Variants in FAT2 observed in about 807,000 individuals in gnomAD.
The protein encoded by FAT2 is FAT atypical cadherin 2, also known as protocadherin Fat 2.
In FAT2, 150 loss-of-function variants were observed where a neutral mutation model predicts 295.3. The observed-to-expected ratio is 0.51, with a 90% confidence interval of 0.44 to 0.58. FAT2 has a LOEUF of 0.58. Ranked by LOEUF, FAT2 falls within the 20% of genes least tolerant of loss-of-function variation. The probability of loss-of-function intolerance (pLI) is 0.00; values close to 1 mark genes in which losing one functional copy is unlikely to be tolerated. For missense variants in FAT2, 4,868 were observed against 5,442.7 expected, an observed-to-expected ratio of 0.89 and a Z score of 3.32; for synonymous variants, 2,026 against 2,150.3, an observed-to-expected ratio of 0.94 and a Z score of 1.60.
chr5:151,531,896 C>G lies in FAT2; in HGVS notation c.9502G>C (p.Val3168Leu), dbSNP rs754083295. Residue 3168 changes from valine to leucine, a missense_variant, in exon 14 of 24, where the codon GTG becomes CTG. This residue lies in a region of FAT2 where 1,046 missense variants were observed against 1,210.1 expected (regional missense o/e 0.86). Transcript: ENST00000261800. The surrounding 1 kb of genome is among the most constrained non-coding windows in gnomAD (Gnocchi z 5.7). ...TGCAGCGGCTTTTCCAGGCGGATCACCCCCGTGGTGGCGTCGATGGAAAAG... is the reference window on the plus strand; with the variant it reads ...TGCAGCGGCTTTTCCAGGCGGATCAGCCCCGTGGTGGCGTCGATGGAAAAG... ...GHFSIDATTG[V>L]IRLEKPLQVR... 1.9e-6 allele frequency: 3 copies of G among 1,614,140 alleles called. No homozygotes were observed. Among genetic ancestry groups the G allele is most frequent in the South Asian group, 2.2e-5 (2 of 91,088 alleles).
At chr5:151,578,272 G>C (rs754773304) in intron 1 of FAT2, among the ~76,000 whole-genome samples, 1 of 152,198 alleles carries the variant, frequency 6.6e-6, no homozygotes, top group Non-Finnish European at 1.5e-5. Context: ...TTACTATCCT[G>C]TGGTTCTTGC....
Position 151,512,180 on chromosome 5 carries a change from A to G in FAT2, c.11890T>C (p.Trp3964Arg), listed in dbSNP as rs761691135. The G allele has an allele frequency of 6.2e-7, 1 of 1,613,488 alleles. No homozygotes were observed. The highest frequency in any genetic ancestry group is 1.1e-5 in the South Asian group (1 of 91,068). The change falls in exon 21 of 24, where the codon TGG (tryptophan) becomes CGG (arginine). Residue 3964 changes from tryptophan to arginine, a missense_variant. Physicochemically the swap from Trp to Arg is moderately radical, Grantham distance 101. Around this residue, in one of 5 missense-constraint regions of FAT2, gnomAD observed 24 missense variants for 53.3 expected, o/e 0.45. Transcript: ENST00000261800. The surrounding 1 kb of genome is among the most constrained non-coding windows in gnomAD (Gnocchi z 4.1). Reference protein sequence around the residue: ...NTCLNGGKCSWTHGAGYVCKC... With the variant: ...NTCLNGGKCSRTHGAGYVCKC... ...CAGCCCTCACCTGCCCCATGGGTCCATGAGCACTTCCCACCATTGAGGCAT... is the reference window on the plus strand; with the variant it reads ...CAGCCCTCACCTGCCCCATGGGTCCGTGAGCACTTCCCACCATTGAGGCAT...
At chr5:151,589,477 G>A (rs1019280386) in intron 1 of FAT2, among the ~76,000 whole-genome samples, 4 of 152,184 alleles carry the variant, frequency 2.6e-5, no homozygotes, top group Non-Finnish European at 4.4e-5. Flanking sequence ...GTACTCTATC[G>A]AGAGCCCTGG....
Position 151,554,531 on chromosome 5 carries a change from G to T in FAT2, c.3776C>A (p.Ser1259Tyr), listed in dbSNP as rs773489346. The change falls in exon 5 of 24, where the codon TCC (serine) becomes TAC (tyrosine). Residue 1259 changes from serine to tyrosine, a missense_variant. By Grantham distance (144) the Ser-to-Tyr change is moderately radical. Transcript: ENST00000261800. ...CACCAGCCTGTACACAGGCCCAGGG[G>T]ACACAGGGCTCAGCCTCTCTGGAAG... ...VRLPERLSPVSPGPVYRLVAS... is the reference protein window; with the variant it reads ...VRLPERLSPVYPGPVYRLVAS... 6.2e-7 allele frequency: 1 copy of T among 1,614,206 alleles called. No homozygotes were observed. The highest frequency in any genetic ancestry group is 1.7e-5 in the Admixed American group (1 of 60,018).
rs527639559 is a variant in FAT2, at chr5:151,558,036, C to A, written c.3575-1634G>T. 2.6e-5 allele frequency among the ~76,000 whole-genome samples: 4 copies of A among 152,332 alleles called. No individual in the cohort carries two copies. In the South Asian group the frequency reaches 8.3e-4, roughly 32 times the overall value. The stretch of plus-strand genomic sequence containing the variant: ...AACCTTATTTCAACCCCAGCCTCCT[C>A]TGCAAAAGGAGTTGAATTCGGTGAC... On this transcript the variant is annotated intron_variant, in intron 3 of 23. Transcript: ENST00000261800.
chr5:151,509,958 G>A (rs1581269444), intron 22 of FAT2, 63 bp downstream of exon 22: 3 of 1,574,682 alleles, frequency 1.9e-6, no homozygotes, highest in East Asian at 2.2e-5. Context: ...CTTTCTAGAG[G>A]TCAGAGTACA....
At position 151,521,303 on chromosome 5, in the gene FAT2, G is replaced by A. The variant is rs1205073923; in HGVS notation, c.11290C>T (p.His3764Tyr). The A allele has an allele frequency of 1.9e-6, 3 of 1,611,330 alleles. No individual in the cohort carries two copies. The East Asian group carries it at 6.7e-5, about 36-fold the overall frequency. ...TTGCAGGAGCAGCTCCTCTGCAGGTGGTGCCGCGGGGTTAGGATGCTGAGC... is the reference window on the plus strand; with the variant it reads ...TTGCAGGAGCAGCTCCTCTGCAGGTAGTGCCGCGGGGTTAGGATGCTGAGC... Reference protein sequence around the residue: ...ARLSILTPRHHLQRSCSCNGT... With the variant: ...ARLSILTPRHYLQRSCSCNGT... Residue 3764 changes from histidine (H) to tyrosine (Y), a missense_variant, in exon 19 of 24, where the codon CAC (histidine) becomes TAC (tyrosine). Coordinates refer to ENST00000261800, the MANE Select transcript of FAT2 (RefSeq NM_001447.3).
upstream of FAT2, among the ~76,000 whole-genome samples, chr5:151,593,176 T>G (rs1759480424): frequency 6.6e-6 from 1 of 152,236 alleles, no homozygotes; most frequent in Admixed American, 6.5e-5. Flanking sequence ...TGAGCAATTA[T>G]CCACTTGGCT....
chr5:151,571,740 G>C (rs1216814896), intron 1 of FAT2, among the ~76,000 whole-genome samples: 1 of 152,202 alleles, frequency 6.6e-6, no homozygotes, highest in Non-Finnish European at 1.5e-5. Flanking sequence ...AGCATGTTAG[G>C]CTCCTTGTAC....
chr5:151,563,380 G>A lies in FAT2; in HGVS notation c.3519C>T (p.Thr1173=), dbSNP rs2127641582. ...TGTAGTTCCCACTGGTGATGTTGAA[G>A]GTCAGCTTCCCTTTGGAGCTGGAGT... ...DPDSSSKGKL[T]FNITSGNYMG... The change falls in exon 3 of 24, where the codon ACC becomes ACT. Residue 1173 remains threonine (T), a synonymous_variant. Transcript: ENST00000261800. 1 of 1,614,218 alleles carries A rather than the reference G, an allele frequency of 6.2e-7. No individual in the cohort carries two copies. Among genetic ancestry groups the A allele is most frequent in the Non-Finnish European group, 8.5e-7 (1 of 1,180,028 alleles).
intron 5 of FAT2, among the ~76,000 whole-genome samples, chr5:151,554,030 C>A (rs770552281): frequency 1.3e-5 from 2 of 152,200 alleles, no homozygotes; most frequent in Non-Finnish European, 2.9e-5. Flanking sequence ...AAAGGTTAAA[C>A]GACTTGTCCA....
chr5:151,569,835 G>A (rs903402332), intron 1 of FAT2, among the ~76,000 whole-genome samples: 3 of 152,302 alleles, frequency 2.0e-5, no homozygotes, highest in East Asian at 1.9e-4. Flanking sequence ...AGCTGTTTCC[G>A]CACATGCAGA....
rs762948948 is a variant in FAT2 at position 151,544,698 on chromosome 5, G to A, written c.6429C>T (p.Val2143=). ...ATGGCGTTCCTCCATCCCGAGCAAT[G>A]ACTTTGAGGTGATATTTATTTAAAG... The part of the protein sequence containing the change: ...YQALNKYHLK[V]IARDGGTPSL... Residue 2143 remains valine (V), a synonymous_variant, in exon 10 of 24, where the codon GTC becomes GTT. Transcript: ENST00000261800. 5 of 1,614,040 alleles carry A rather than the reference G, an allele frequency of 3.1e-6. No individual in the cohort carries two copies. The South Asian group carries it at 5.5e-5, about 18-fold the overall frequency.
Position 151,507,608 on chromosome 5 carries a change from A to C in FAT2, c.12063T>G (p.Cys4021Trp). 1 of 1,536,586 alleles carries C rather than the reference A, an allele frequency of 6.5e-7. No individual in the cohort carries two copies. The highest frequency in any genetic ancestry group is 8.7e-7 in the Non-Finnish European group (1 of 1,152,972). Residue 4021 changes from cysteine (C) to tryptophan (W), a missense_variant, in exon 23 of 24, where the codon TGT becomes TGG. Around this residue, in one of 5 missense-constraint regions of FAT2, gnomAD observed 492 missense variants for 482.6 expected, o/e 1.02. Transcript: ENST00000261800. ...NCPHPYTGDRCEMEARGCSEG... is the reference protein window; with the variant it reads ...NCPHPYTGDRWEMEARGCSEG... ...CTGAACAACCCCTCGCCTCCATTTC[A>C]CACCTGCGGAGACAGAGTAGTCAGG... is the stretch of plus-strand genomic sequence containing the variant.
chr5:151,508,154 G>T (rs976951784), intron 22 of FAT2, among the ~76,000 whole-genome samples: 5 of 152,198 alleles, frequency 3.3e-5, no homozygotes, highest in Non-Finnish European at 5.9e-5. Context: ...AAGCTCCAGG[G>T]AAACTTCTGT....
chr5:151,537,459 G>A (rs1193282731), intron 12 of FAT2, among the ~76,000 whole-genome samples: 4 of 118,392 alleles, frequency 3.4e-5, no homozygotes, highest in South Asian at 3.0e-4. Flanking sequence ...GGAGGGGAGG[G>A]AAGGAAAGGA....
intron 16 of FAT2, 40 bp downstream of exon 16, chr5:151,527,956 C>T (rs773982234): frequency 6.2e-7 from 1 of 1,606,864 alleles, no homozygotes; most frequent in Non-Finnish European, 8.5e-7. Context: ...TGTGTCTCTG[C>T]TCTAATGAGC....
At chr5:151,582,661 C>T (rs921305571) in intron 1 of FAT2, among the ~76,000 whole-genome samples, 8 of 152,156 alleles carry the variant, frequency 5.3e-5, no homozygotes, top group Non-Finnish European at 7.3e-5. Context: ...CCTGATCCTA[C>T]GCCCTGATGG....
chr5:151,517,846 C>A, intron 19 of FAT2, 81 bp from the exon 20 acceptor site: 1 of 1,525,042 alleles, frequency 6.6e-7, no homozygotes, highest in Non-Finnish European at 9.0e-7. Context: ...TTATTTAATC[C>A]TTGGGTGGCA....
Sources: gnomAD v4.1 joint callset for allele counts (sites outside exome capture counted in the v4.1 genomes callset) on GRCh38, gnomAD v4.1.1 for gene constraint, gnomAD v4.1.1 regional missense constraint, Gnocchi (gnomAD v3.1) non-coding constraint, MANE v1.5 for transcripts, NCBI Gene and HGNC (gene_info 2026-07-23, HGNC 2026-07-21) for gene names.